Variants in PTPRD observed in about 807,000 individuals in gnomAD.
PTPRD encodes protein tyrosine phosphatase receptor type D.
Under a neutral mutation model 214.5 loss-of-function variants are expected in PTPRD, and 34 were observed. That is an observed-to-expected ratio of 0.16 (90% confidence interval 0.12 to 0.21). The LOEUF (loss-of-function observed/expected upper bound fraction) is 0.21. PTPRD is among the 10% of genes least tolerant of loss of function. PTPRD has a pLI of 1.00. For synonymous variants in PTPRD, 1,128 were observed against 845.7 expected, an observed-to-expected ratio of 1.33 and a Z score of -5.79; for missense variants, 2,545 against 2,398.7, an observed-to-expected ratio of 1.06 and a Z score of -1.27.
intron 8 of PTPRD, among the ~76,000 whole-genome samples, chr9:9,554,519 G>T (rs759420693): frequency 1.3e-5 from 2 of 151,552 alleles, no homozygotes; most frequent in Non-Finnish European, 2.9e-5. Context: ...AATACTGTAG[G>T]GTTAAATATC....
At chr9:9,977,835 T>A (rs1000944841) in intron 4 of PTPRD, among the ~76,000 whole-genome samples, 3 of 151,942 alleles carry the variant, frequency 2.0e-5, no homozygotes, top group African/African-American at 7.3e-5. Flanking sequence ...AATGGAAAAA[T>A]AAGACATTTA....
intron 7 of PTPRD, among the ~76,000 whole-genome samples, chr9:9,728,865 T>C (rs779946233): frequency 2.6e-5 from 4 of 152,156 alleles, no homozygotes; most frequent in Non-Finnish European, 5.9e-5. Flanking sequence ...TTTTAGTTTA[T>C]CTAGTGACAT....
chr9:10,147,987 G>T (rs1193635449), intron 3 of PTPRD, among the ~76,000 whole-genome samples: 1 of 152,086 alleles, frequency 6.6e-6, no homozygotes, highest in Non-Finnish European at 1.5e-5. Context: ...TATAGTTAAG[G>T]GCTTTGATCC....
At chr9:9,125,348 A>C (rs2099828046) in intron 10 of PTPRD, among the ~76,000 whole-genome samples, 1 of 152,184 alleles carries the variant, frequency 6.6e-6, no homozygotes, top group Admixed American at 6.5e-5. Context: ...CTTGGTGTCA[A>C]GACATACTGT....
In PTPRD at chr9:8,816,486, T is replaced by C. The variant is rs112116166; in HGVS notation, c.-103-82540A>G. Reference sequence around the variant, plus strand: ...AGGGATGGCAAGCTAGCAGTATCGTTACAGGGCACAAAACAGCGTTTAGGA... The same window carrying C: ...AGGGATGGCAAGCTAGCAGTATCGTCACAGGGCACAAAACAGCGTTTAGGA... On this transcript the variant is annotated intron_variant, in intron 11 of 45. Transcript: ENST00000381196. 6.1e-3 allele frequency among the ~76,000 whole-genome samples: 928 copies of C among 152,282 alleles called. 7 individuals are homozygous for C. The highest frequency in any genetic ancestry group is 0.02 in the African/African-American group (828 of 41,544).
At chr9:8,553,023 T>G (rs1221044711) in intron 14 of PTPRD, among the ~76,000 whole-genome samples, 1 of 152,142 alleles carries the variant, frequency 6.6e-6, no homozygotes, top group East Asian at 1.9e-4. Context: ...AGAGACAGTA[T>G]AAATCACTTG....
At chr9:9,787,529 T>G (rs1271982505) in intron 5 of PTPRD, among the ~76,000 whole-genome samples, 1 of 151,334 alleles carries the variant, frequency 6.6e-6, no homozygotes, top group Non-Finnish European at 1.5e-5. Flanking sequence ...CTCTCCTAAA[T>G]ACATCATTTC....
chr9:9,307,643 A>T (rs1010021643), intron 9 of PTPRD, among the ~76,000 whole-genome samples: 2 of 152,132 alleles, frequency 1.3e-5, no homozygotes, highest in African/African-American at 4.8e-5. Context: ...CTCCTAGACA[A>T]TTCTCTATAC....
At chr9:9,941,757 G>A (rs1172289179) in intron 4 of PTPRD, among the ~76,000 whole-genome samples, 1 of 152,134 alleles carries the variant, frequency 6.6e-6, no homozygotes, top group African/African-American at 2.4e-5. Context: ...TGAAGAAGAG[G>A]TCCCAAAGGA....
At chr9:10,517,194 C>G (rs948516353) in intron 2 of PTPRD, among the ~76,000 whole-genome samples, 1 of 151,948 alleles carries the variant, frequency 6.6e-6, no homozygotes, top group African/African-American at 2.4e-5. Flanking sequence ...TATCCCAATT[C>G]ATGAACATGG....
chr9:10,505,667 G>C (rs1043459539), intron 2 of PTPRD, among the ~76,000 whole-genome samples: 1 of 148,024 alleles, frequency 6.8e-6, no homozygotes, highest in Non-Finnish European at 1.5e-5. Flanking sequence ...CATCTTTCTT[G>C]AACAGCAACA....
chr9:8,772,171 A>C (rs2095256895), intron 11 of PTPRD, among the ~76,000 whole-genome samples: 2 of 152,144 alleles, frequency 1.3e-5, no homozygotes, highest in South Asian at 4.2e-4. Flanking sequence ...ACAGATTTTG[A>C]GGCCAGAACT....
intron 2 of PTPRD, among the ~76,000 whole-genome samples, chr9:10,600,302 T>G (rs1291333848): frequency 6.6e-6 from 1 of 151,760 alleles, no homozygotes; most frequent in Admixed American, 6.6e-5. Context: ...AAAGCTACAC[T>G]TTAAAAAATC....
rs557234780 is a variant in PTPRD, at chr9:9,377,473, G to C, written c.-203+19976C>G. Among the ~76,000 whole-genome samples, 9 of 152,220 alleles carry C rather than the reference G, an allele frequency of 5.9e-5. 1 individual carries two copies. Among genetic ancestry groups the C allele is most frequent in the Admixed American group, 5.9e-4 (9 of 15,268 alleles). The stretch of plus-strand genomic sequence containing the variant: ...TTGTTGAGAACTTAGTATGTGCTAA[G>C]TCCTTTATATACATCATCTCATCCA... On this transcript the variant is annotated intron_variant, in intron 9 of 45. Transcript: ENST00000381196.
intron 8 of PTPRD, among the ~76,000 whole-genome samples, chr9:9,422,533 A>C (rs557095991): frequency 9.9e-4 from 150 of 152,196 alleles, no homozygotes; most frequent in African/African-American, 3.5e-3. Flanking sequence ...AAGGACGGTA[A>C]ATTCATTGGA....
At chr9:8,932,937 G>A (rs2098963250) in intron 11 of PTPRD, among the ~76,000 whole-genome samples, 1 of 152,120 alleles carries the variant, frequency 6.6e-6, no homozygotes, top group Non-Finnish European at 1.5e-5. Context: ...CCTGCAGCTA[G>A]CTTGGTGTCT....
intron 10 of PTPRD, among the ~76,000 whole-genome samples, chr9:9,178,146 G>A (rs1030095085): frequency 6.6e-6 from 1 of 151,970 alleles, no homozygotes; most frequent in Non-Finnish European, 1.5e-5. Flanking sequence ...AATAATGAAA[G>A]TGAGGTTTAT....
chr9:8,815,161 G>T (rs2096895503), intron 11 of PTPRD, among the ~76,000 whole-genome samples: 2 of 151,578 alleles, frequency 1.3e-5, no homozygotes, highest in African/African-American at 4.9e-5. Context: ...GACAGTGAGA[G>T]AGAAATGTGG....
chr9:9,339,123 G>A (rs541363316), intron 9 of PTPRD, among the ~76,000 whole-genome samples: 1 of 152,196 alleles, frequency 6.6e-6, no homozygotes, highest in South Asian at 2.1e-4. Flanking sequence ...ACAACACAAT[G>A]ACCTATAGCT....
Sources: gnomAD v4.1 joint callset for allele counts (sites outside exome capture counted in the v4.1 genomes callset) on GRCh38, gnomAD v4.1.1 for gene constraint, MANE v1.5 for transcripts, NCBI Gene and HGNC (gene_info 2026-07-23, HGNC 2026-07-21) for gene names.